The following KNDC1 variants were observed in gnomAD, a reference collection of about 807,000 sequenced individuals.
KNDC1 encodes the protein kinase non-catalytic C-lobe domain-containing protein 1.
Under a neutral mutation model 172.8 loss-of-function variants are expected in KNDC1, and 106 were observed. The observed-to-expected ratio is 0.61, with a 90% CI of 0.52 to 0.72. The LOEUF (loss-of-function observed/expected upper bound fraction) is 0.72. Ranked by LOEUF, KNDC1 falls within the 30% of genes least tolerant of loss-of-function variation. The pLI is 0.00. For missense variants in KNDC1, 2,325 were observed against 2,394.5 expected, an observed-to-expected ratio of 0.97 and a Z score of 0.61; for synonymous variants, 1,083 against 1,062.2, an observed-to-expected ratio of 1.02 and a Z score of -0.38.
chr10:133,178,451 T>C (rs1476542423), intron 3 of KNDC1, among the ~76,000 whole-genome samples: 2 of 152,178 alleles, frequency 1.3e-5, no homozygotes, highest in Non-Finnish European at 2.9e-5. Context: ...AGGAATAGGC[T>C]TTCCACCCAG....
chr10:133,164,740 C>T (rs1458956161), intron 1 of KNDC1, among the ~76,000 whole-genome samples: 3 of 146,560 alleles, frequency 2.0e-5, no homozygotes, highest in South Asian at 2.2e-4. Flanking sequence ...GACTACAGGA[C>T]GCCCACAGCT....
chr10:133,222,207 C>T lies in KNDC1; in HGVS notation c.5018+2095C>T, dbSNP rs1255952701. On this transcript the variant is annotated intron_variant, in intron 29 of 29. Transcript: ENST00000304613. The stretch of plus-strand genomic sequence containing the variant: ...CTGAGGCAGGAGAATGGCGTGAACC[C>T]GGGAGGCGGAGCTTCCAGTGAGCCG... Among the ~76,000 whole-genome samples the T allele has an allele frequency of 6.4e-4, 93 of 146,336 alleles. 1 individual carries two copies. The highest frequency in any genetic ancestry group is 9.3e-4 in the Non-Finnish European group (62 of 66,566).
chr10:133,224,545 C>A lies in KNDC1; in HGVS notation c.5019-114C>A. 1 of 735,794 alleles carries A rather than the reference C, an allele frequency of 1.4e-6. No individual in the cohort carries two copies. The highest frequency in any genetic ancestry group is 2.3e-6 in the Non-Finnish European group (1 of 441,920). The allele number at this position is 735,794 out of a possible 1,614,324, so 45.6% of individuals were successfully genotyped here. On this transcript the variant is annotated intron_variant, in intron 29 of 29. Coordinates refer to ENST00000304613, the MANE Select transcript of KNDC1 (RefSeq NM_152643.8). This position sits in a 1 kb window ranked among gnomAD's most constrained non-coding sequence, Gnocchi z 5.4. Reference sequence around the variant, plus strand: ...CAGACAACCCACCCTTCAGAATTTACACGGTGAAAAGATTTAGTCCAAATG... The same window carrying A: ...CAGACAACCCACCCTTCAGAATTTAAACGGTGAAAAGATTTAGTCCAAATG...
At position 133,219,018 on chromosome 10, in the gene KNDC1, G is replaced by A. The variant is rs1444249566; in HGVS notation, c.4801-13G>A. On this transcript the variant is annotated splice_polypyrimidine_tract_variant and intron_variant, in intron 27 of 29. Coordinates refer to ENST00000304613, the MANE Select transcript of KNDC1 (RefSeq NM_152643.8). The stretch of plus-strand genomic sequence containing the variant: ...GCACGGCCGCAGGAGGCTCACCTGT[G>A]CTTTCATTTCAGGCCTGGAGAATTC... 1 of 1,613,978 alleles carries A rather than the reference G, an allele frequency of 6.2e-7. No individual in the cohort carries two copies.
chr10:133,202,998 C>T (rs186602017), intron 17 of KNDC1, among the ~76,000 whole-genome samples: 39 of 151,786 alleles, frequency 2.6e-4, no homozygotes, highest in African/African-American at 8.4e-4. Context: ...CCCAAACTCA[C>T]GGCGTCCAGC....
At chr10:133,219,256 C>T (rs932799975) in intron 28 of KNDC1, among the ~76,000 whole-genome samples, 166 bp downstream of exon 28, 8 of 152,252 alleles carry the variant, frequency 5.3e-5, no homozygotes, top group Non-Finnish European at 1.2e-4. Flanking sequence ...CCCGGCAGGG[C>T]CTCTGTTGCC....
chr10:133,225,271 C>T lies in KNDC1; in HGVS notation c.*381C>T, dbSNP rs1300530886. 2.1e-5 allele frequency: 5 copies of T among 237,466 alleles called. No individual in the cohort carries two copies. Among genetic ancestry groups the T allele is most frequent in the African/African-American group, 4.6e-5 (2 of 43,158 alleles). The allele number at this position is 237,466 out of a possible 1,614,324, so 14.7% of individuals were successfully genotyped here. On this transcript the variant is annotated 3_prime_UTR_variant, in exon 30 of 30. Transcript: ENST00000304613. ...CCCACAAAACAGCAACAGCCTCCAC[C>T]GCCAACTCAACAAACTTCAGAGTAG...
chr10:133,214,025 A>G lies in KNDC1; in HGVS notation c.4580A>G (p.Asn1527Ser), dbSNP rs1394775647. The G allele has an allele frequency of 3.1e-6, 5 of 1,614,056 alleles. No individual in the cohort carries two copies. Among genetic ancestry groups the G allele is most frequent in the South Asian group, 2.2e-5 (2 of 91,092 alleles). The change falls in exon 26 of 30, where the codon AAT becomes AGT. Residue 1527 changes from asparagine (N) to serine (S), a missense_variant. Transcript: ENST00000304613. ...AAAACCTGCAGCTTATTTCTGCCCAATTACGTTCAGGACAAGTATCTGTTA... is the reference window on the plus strand; with the variant it reads ...AAAACCTGCAGCTTATTTCTGCCCAGTTACGTTCAGGACAAGTATCTGTTA... ...SAKTCSLFLP[N>S]YVQDKYLLQL...
At chr10:133,182,770 C>T (rs1262609104) in intron 3 of KNDC1, among the ~76,000 whole-genome samples, 3 of 152,256 alleles carry the variant, frequency 2.0e-5, no homozygotes, top group South Asian at 2.1e-4. Flanking sequence ...CTCCAGAAAG[C>T]GCAGAGGGGC....
Position 133,221,185 on chromosome 10 carries a change from G to A in KNDC1, c.5018+1073G>A, listed in dbSNP as rs149537527. On this transcript the variant is annotated intron_variant, in intron 29 of 29. Transcript: ENST00000304613. ...TGTCCTGACCGCTGGGTGCCACAGTGTCCCTGCTCCCCTTGAAACCCCTCT... is the reference window on the plus strand; with the variant it reads ...TGTCCTGACCGCTGGGTGCCACAGTATCCCTGCTCCCCTTGAAACCCCTCT... 3.3e-3 allele frequency among the ~76,000 whole-genome samples: 503 copies of A among 152,166 alleles called. 2 individuals carry two copies. Among genetic ancestry groups the A allele is most frequent in the African/African-American group, 0.011 (472 of 41,500 alleles).
rs1202418052 is a variant in KNDC1 at position 133,224,409 on chromosome 10, G to A, written c.5019-250G>A. 6.6e-6 allele frequency among the ~76,000 whole-genome samples: 1 copy of A among 152,140 alleles called. No individual in the cohort carries two copies. Among genetic ancestry groups the A allele is most frequent in the Non-Finnish European group, 1.5e-5 (1 of 68,034 alleles). On this transcript the variant is annotated intron_variant, in intron 29 of 29. Transcript: ENST00000304613. This position sits in a 1 kb window ranked among gnomAD's most constrained non-coding sequence, Gnocchi z 5.4. ...TTCTTGGGACGCTCAGCAGGGACGA[G>A]CCTGAGCCTGCAGGGTTTCCATAAG...
chr10:133,199,137 C>T lies in KNDC1; in HGVS notation c.2629C>T (p.Pro877Ser). ...GCCCGCAGACCGGAGGCTCTGTCTG[C>T]CCTGCGTGGATGCCTCGCCACTCCC... ...PRPADRRLCL[P>S]CVDASPLPGR... Residue 877 changes from proline (P) to serine (S), a missense_variant, in exon 14 of 30, where the codon CCC becomes TCC. Physicochemically the swap from Pro to Ser is moderately conservative, Grantham distance 74. Coordinates refer to ENST00000304613, the MANE Select transcript of KNDC1 (RefSeq NM_152643.8). 1 of 1,600,210 alleles carries T rather than the reference C, an allele frequency of 6.2e-7. No individual in the cohort carries two copies.
rs113762570 is a variant in KNDC1 at position 133,179,769 on chromosome 10, G to C, written c.361-3575G>C. On this transcript the variant is annotated intron_variant, in intron 3 of 29. Coordinates refer to ENST00000304613, the MANE Select transcript of KNDC1 (RefSeq NM_152643.8). ...AGCTGCAGGCTTTGGACCACAGAGA[G>C]GCCCGGAGCAGGAAGCTGCAACGTC... Among the ~76,000 whole-genome samples the C allele has an allele frequency of 2.4e-3, 362 of 152,290 alleles. 2 individuals carry two copies. The highest frequency in any genetic ancestry group is 7.8e-3 in the African/African-American group (325 of 41,558).
intron 12 of KNDC1, among the ~76,000 whole-genome samples, chr10:133,198,024 C>T (rs1317672967): frequency 1.3e-5 from 2 of 152,042 alleles, no homozygotes; most frequent in African/African-American, 4.8e-5. Flanking sequence ...CCCAAGCCCA[C>T]ATCTGGAGAC....
chr10:133,212,974 A>G, intron 24 of KNDC1, 52 bp downstream of exon 24: 1 of 1,514,348 alleles, frequency 6.6e-7, no homozygotes, highest in East Asian at 2.3e-5. Flanking sequence ...GGGGCCCCAG[A>G]AACACTCCGC....
At chr10:133,199,680 C>T in intron 15 of KNDC1, 78 bp downstream of exon 15, 2 of 1,491,530 alleles carry the variant, frequency 1.3e-6, no homozygotes, top group Admixed American at 1.8e-5. Context: ...CTGACCCGGG[C>T]CCAGCCTTCC....
chr10:133,175,983 T>C (rs1182049488), intron 3 of KNDC1, among the ~76,000 whole-genome samples: 1 of 142,582 alleles, frequency 7.0e-6, no homozygotes, highest in African/African-American at 2.6e-5. Context: ...GATGGGTGGG[T>C]GAATGCATGG....
intron 3 of KNDC1, among the ~76,000 whole-genome samples, chr10:133,179,612 C>T (rs1853656919): frequency 6.6e-6 from 1 of 152,206 alleles, no homozygotes; most frequent in Non-Finnish European, 1.5e-5. Flanking sequence ...AACCACTTGG[C>T]TTGACCGCGT....
intron 3 of KNDC1, among the ~76,000 whole-genome samples, chr10:133,168,967 C>G (rs184329092): frequency 1.3e-5 from 2 of 152,230 alleles, no homozygotes; most frequent in African/African-American, 2.4e-5. Flanking sequence ...GGAATCACCC[C>G]GGGGCCTTCA....
Sources: gnomAD v4.1 joint callset for allele counts (sites outside exome capture counted in the v4.1 genomes callset) on GRCh38, gnomAD v4.1.1 for gene constraint, Gnocchi (gnomAD v3.1) non-coding constraint, MANE v1.5 for transcripts, NCBI Gene and HGNC (gene_info 2026-07-23, HGNC 2026-07-21) for gene names.